RIOK1: variants seen among roughly 807,000 people sequenced by gnomAD.
RIOK1 encodes the protein serine/threonine-protein kinase RIO1.
A neutral mutation model predicts 73.5 loss-of-function variants in RIOK1; 66 were observed. That is an observed-to-expected ratio of 0.90 (90% CI 0.74 to 1.10). RIOK1 has a LOEUF of 1.10. Among genes scored for constraint, RIOK1 ranks in the 50% least tolerant of loss-of-function variants. The pLI is 0.00. For missense variants in RIOK1, 658 were observed against 699.8 expected, an observed-to-expected ratio of 0.94 and a Z score of 0.67; for synonymous variants, 224 against 226.8, an observed-to-expected ratio of 0.99 and a Z score of 0.11.
intron 3 of RIOK1, among the ~76,000 whole-genome samples, chr6:7,395,525 A>G (rs1032345346): frequency 1.1e-4 from 17 of 151,886 alleles, no homozygotes; most frequent in African/African-American, 2.9e-4. Flanking sequence ...AAAAAAAAAA[A>G]AAAGAAAAAA....
At chr6:7,394,438 AAAC>A (rs1398113444) in intron 2 of RIOK1, among the ~76,000 whole-genome samples, 1 of 152,204 alleles carries the variant, frequency 6.6e-6, no homozygotes, top group Non-Finnish European at 1.5e-5. Context: ...TGTCTGTAAA[AAAC>A]AACAACAATA....
In RIOK1 at chr6:7,414,526, C is replaced by T. The variant is rs1458080439; in HGVS notation, c.1596+136C>T. The T allele has an allele frequency of 4.8e-6, 4 of 834,734 alleles. No individual in the cohort carries two copies. The African/African-American group carries it at 6.9e-5, about 14-fold the overall frequency. 51.7% of individuals were successfully genotyped at this position (834,734 alleles called of 1,614,324 possible). A position where few individuals can be genotyped will look rare whatever the true frequency, so the allele number is the denominator to read the frequency against. On this transcript the variant is annotated intron_variant, in intron 16 of 16. Transcript: ENST00000379834. ...AGTACCTCTAATTACAGTTTTAATA[C>T]CTAAGTGTGAACTTGACTTTTGGTG...
intron 9 of RIOK1, 109 bp from the exon 10 acceptor site, chr6:7,404,309 C>T: frequency 7.9e-7 from 1 of 1,260,972 alleles, no homozygotes; most frequent in South Asian, 1.4e-5. Context: ...ACAGATTGTC[C>T]CACATACAGC....
chr6:7,410,182 T>TAA (rs1455253778), intron 12 of RIOK1, among the ~76,000 whole-genome samples: 5 of 152,180 alleles, frequency 3.3e-5, no homozygotes, highest in Non-Finnish European at 7.3e-5. Context: ...TTTGATTTAT[T>TAA]GTTACTTTTG....
intron 2 of RIOK1, among the ~76,000 whole-genome samples, chr6:7,394,799 AC>A (rs1367810910): frequency 6.6e-6 from 1 of 152,214 alleles, no homozygotes; most frequent in East Asian, 1.9e-4. Flanking sequence ...TTAATCTGTT[AC>A]TTATAATAAG....
chr6:7,396,848 T>C (rs76896401), intron 4 of RIOK1, 76 bp downstream of exon 4: 27,851 of 795,300 alleles, frequency 0.035, 858 homozygotes, highest in African/African-American at 0.13. Context: ...CATAATTCTT[T>C]TACAGAGGAT....
At chr6:7,398,035 G>A (rs561325263) in intron 4 of RIOK1, among the ~76,000 whole-genome samples, 7 of 152,238 alleles carry the variant, frequency 4.6e-5, no homozygotes, top group East Asian at 1.9e-4. Context: ...CCAGCTACTC[G>A]GGAGGCTGAG....
rs761523869 is a variant in RIOK1, at chr6:7,398,683, T to C, written c.438-15T>C. ...ATTTTGAATGTGTCAACTATACGTT[T>C]TTGTTTTTGGTTAGGTATCGCATCA... On this transcript the variant is annotated splice_polypyrimidine_tract_variant and intron_variant, in intron 4 of 16. Coordinates refer to ENST00000379834, the MANE Select transcript of RIOK1 (RefSeq NM_031480.3). 1 of 1,609,200 alleles carries C rather than the reference T, an allele frequency of 6.2e-7. No individual in the cohort carries two copies. The highest frequency in any genetic ancestry group is 8.5e-7 in the Non-Finnish European group (1 of 1,176,686).
In RIOK1 at chr6:7,389,817, G is replaced by A. The variant is rs950291103; in HGVS notation, c.-186G>A. 16 of 602,380 alleles carry A rather than the reference G, an allele frequency of 2.7e-5. No homozygotes were observed. Among genetic ancestry groups the A allele is most frequent in the African/African-American group, 2.6e-4 (14 of 53,824 alleles). The allele number at this position is 602,380 out of a possible 1,614,324, so 37.3% of individuals were successfully genotyped here. On this transcript the variant is annotated 5_prime_UTR_variant, in exon 1 of 17. Transcript: ENST00000379834. ...CGGGCGAGGCGGTGAGGGGCTTCCG[G>A]TTGGGGTGGCAGGGTGGTGGATCTG...
rs771918627 is a variant in RIOK1, at chr6:7,414,373, C to T, written c.1579C>T (p.Pro527Ser). ...HARPKKHTTD[P>S]DIDKKERKKM... is the part of the protein sequence containing the mutation. The stretch of plus-strand genomic sequence containing the variant: ...CCGCCCCAAGAAACACACCACGGAC[C>T]CTGACATTGATAAAAAAGTAAGCAA... The change falls in exon 16 of 17, where the codon CCT becomes TCT. Residue 527 changes from proline (P) to serine (S), a missense_variant. Coordinates refer to ENST00000379834, the MANE Select transcript of RIOK1 (RefSeq NM_031480.3). 8.7e-6 allele frequency: 14 copies of T among 1,602,778 alleles called. No homozygotes were observed. The highest frequency in any genetic ancestry group is 1.2e-5 in the Non-Finnish European group (14 of 1,177,162).
rs141279475 is a variant in RIOK1, at chr6:7,393,286, G to A, written c.259G>A (p.Gly87Arg). 2.4e-5 allele frequency: 39 copies of A among 1,613,946 alleles called. No homozygotes were observed. The highest frequency in any genetic ancestry group is 3.1e-5 in the Non-Finnish European group (36 of 1,179,972). ...ACTCGCCAAGGGTTATGTCTGGAATGGAGGAAGCAACCCACAGGTATTTTA... is the reference window on the plus strand; with the variant it reads ...ACTCGCCAAGGGTTATGTCTGGAATAGAGGAAGCAACCCACAGGTATTTTA... ...GKLAKGYVWN[G>R]GSNPQANRQT... is the part of the protein sequence containing the mutation. Residue 87 changes from glycine (G) to arginine (R), a missense_variant, in exon 2 of 17, where the codon GGA (glycine) becomes AGA (arginine). Physicochemically the swap from Gly to Arg is moderately radical, Grantham distance 125. Coordinates refer to ENST00000379834, the MANE Select transcript of RIOK1 (RefSeq NM_031480.3).
chr6:7,413,004 A>G (rs1761924029), intron 15 of RIOK1, 62 bp downstream of exon 15: 2 of 827,832 alleles, frequency 2.4e-6, no homozygotes, highest in Admixed American at 3.0e-5. Flanking sequence ...TATAAACTCT[A>G]GTCATACTGT....
intron 12 of RIOK1, among the ~76,000 whole-genome samples, chr6:7,409,214 TGTGTGTGTGTGTG>T (rs1761826684): frequency 7.8e-4 from 1 of 1,278 alleles, no homozygotes; most frequent in Non-Finnish European, 1.4e-3. Context: ...CCCGACTAAT[TGTGTGTGTGTGTG>T]TGTGTGTGTG....
At position 7,410,446 on chromosome 6, in the gene RIOK1, G is replaced by A; in HGVS notation, c.1264G>A (p.Glu422Lys). The A allele has an allele frequency of 1.9e-6, 3 of 1,607,188 alleles. No individual in the cohort carries two copies. The highest frequency in any genetic ancestry group is 2.6e-6 in the Non-Finnish European group (3 of 1,174,102). Residue 422 changes from glutamate to lysine, a missense_variant, in exon 13 of 17, where the codon GAA becomes AAA. Physicochemically the swap from Glu to Lys is moderately conservative, Grantham distance 56 (BLOSUM62 1). Transcript: ENST00000379834. ...ACGGTCTAGCCAAGATCATGTGGAT[G>A]AAGAGGTAGGATTTATTATCTATTC... ...EERSSQDHVD[E>K]EVFKRAYIPR...
At position 7,414,345 on chromosome 6, in the gene RIOK1, T is replaced by G. The variant is rs116455594; in HGVS notation, c.1551T>G (p.His517Gln). The change falls in exon 16 of 17, where the codon CAT (histidine) becomes CAG (glutamine). Residue 517 changes from histidine to glutamine, a missense_variant. Transcript: ENST00000379834. The stretch of plus-strand genomic sequence containing the variant: ...CAGACTCTGAAGAGCAGGGAGACCA[T>G]GCCCGCCCCAAGAAACACACCACGG... ...SDTDSEEQGD[H>Q]ARPKKHTTDP... 3.7e-6 allele frequency: 6 copies of G among 1,613,428 alleles called. No individual in the cohort carries two copies. In the African/African-American group the frequency reaches 8.0e-5, roughly 22 times the overall value.
intron 12 of RIOK1, among the ~76,000 whole-genome samples, chr6:7,407,882 AT>A (rs998395312): frequency 4.6e-5 from 7 of 152,044 alleles, no homozygotes; most frequent in African/African-American, 1.7e-4. Context: ...GCAAATGTTT[AT>A]TCCCATTCTG....
Position 7,411,308 on chromosome 6 carries a change from G to T in RIOK1, c.1270-24G>T. On this transcript the variant is annotated intron_variant, in intron 13 of 16. Transcript: ENST00000379834. ...TGAGAAGTGTATGAATAACAGTTTT[G>T]ATTTTGCTTTTCCTCTCTGTTAGGT... is the stretch of plus-strand genomic sequence containing the variant. The T allele has an allele frequency of 3.7e-6, 6 of 1,611,650 alleles. No individual in the cohort carries two copies. In the South Asian group the frequency reaches 5.5e-5, roughly 15 times the overall value.
Position 7,417,820 on chromosome 6 carries a change from G to C in RIOK1, c.*379G>C, listed in dbSNP as rs184127681. ...AGGCACTCATGGGAAAATTGGTTTT[G>C]CTTTCTTTGTACACACCAGAGACCC... On this transcript the variant is annotated 3_prime_UTR_variant, in exon 17 of 17. Coordinates refer to ENST00000379834, the MANE Select transcript of RIOK1 (RefSeq NM_031480.3). 1.7e-3 allele frequency: 257 copies of C among 153,312 alleles called. 2 individuals are homozygous for C. Among genetic ancestry groups the C allele is most frequent in the Admixed American group, 1.4e-3 (21 of 15,314 alleles). The allele number at this position is 153,312 out of a possible 1,614,324, so 9.5% of individuals were successfully genotyped here.
intron 12 of RIOK1, among the ~76,000 whole-genome samples, chr6:7,407,093 A>G (rs2113520676): frequency 6.6e-6 from 1 of 152,352 alleles, no homozygotes; most frequent in Middle Eastern, 3.4e-3. Context: ...GCTGCTATGA[A>G]CATGGATGTA....
Sources: allele counts gnomAD v4.1 joint callset (sites outside exome capture counted in the v4.1 genomes callset), GRCh38; gene constraint gnomAD v4.1.1; transcripts MANE v1.5; gene names NCBI Gene and HGNC (gene_info 2026-07-23, HGNC 2026-07-21).